The following CSDC2 variants were observed in gnomAD, a reference collection of about 807,000 sequenced individuals.
CSDC2 encodes cold shock domain containing C2, also known as cold shock domain-containing protein C2.
Under a neutral mutation model 15.8 loss-of-function variants are expected in CSDC2, and 8 were observed. The ratio of observed to expected loss-of-function variants is 0.51; its 90% CI spans 0.30 to 0.92. The LOEUF (loss-of-function observed/expected upper bound fraction) is 0.92, where lower values mean the gene tolerates loss of function less well. Ranked by LOEUF, CSDC2 falls within the 40% of genes least tolerant of loss-of-function variation. The pLI is 0.07. For missense variants in CSDC2, 195 were observed against 213.3 expected (o/e 0.91, Z 0.53); for synonymous variants, 96 against 92.3 (o/e 1.04, Z -0.23).
rs1291699005 is a variant in CSDC2, at chr22:41,575,311, C to A, written c.*416C>A. On this transcript the variant is annotated 3_prime_UTR_variant, in exon 4 of 4. Coordinates refer to ENST00000306149, the MANE Select transcript of CSDC2 (RefSeq NM_014460.4). Reference sequence around the variant, plus strand: ...AGTCCCTGGCCCGGAGCCAGGCTCTCTGTGCTACTTACATCTCCCTCCCTT... The same window carrying A: ...AGTCCCTGGCCCGGAGCCAGGCTCTATGTGCTACTTACATCTCCCTCCCTT... 5 of 201,148 alleles carry A rather than the reference C, an allele frequency of 2.5e-5. No homozygotes were observed. Among genetic ancestry groups the A allele is most frequent in the Middle Eastern group, 1.9e-3 (1 of 518 alleles). 12.5% of individuals were successfully genotyped at this position (201,148 alleles called of 1,614,324 possible).
In CSDC2 at chr22:41,574,568, A is replaced by G. The variant is rs533571105; in HGVS notation, c.300-165A>G. The stretch of plus-strand genomic sequence containing the variant: ...GCGTGAGCCACTGTGCCCAGCCATG[A>G]GTCCCGTTTTACAGATTCGAGAGCT... On this transcript the variant is annotated intron_variant, in intron 3 of 3. Coordinates refer to ENST00000306149, the MANE Select transcript of CSDC2 (RefSeq NM_014460.4). Among the ~76,000 whole-genome samples, 5 of 152,300 alleles carry G rather than the reference A, an allele frequency of 3.3e-5. No homozygotes were observed. The East Asian group carries it at 9.7e-4, about 29-fold the overall frequency.
intron 1 of CSDC2, among the ~76,000 whole-genome samples, chr22:41,568,841 A>G (rs559961950): frequency 1.3e-5 from 2 of 152,294 alleles, no homozygotes; most frequent in East Asian, 3.9e-4. Context: ...CCTGGCCCAG[A>G]ATCATCAGTG....
intron 1 of CSDC2, among the ~76,000 whole-genome samples, chr22:41,564,317 T>C (rs1427950452): frequency 5.3e-5 from 8 of 151,426 alleles, no homozygotes; most frequent in Admixed American, 4.6e-4. Flanking sequence ...TGGAGTGCAG[T>C]GGCGCGATCT....
At chr22:41,570,043 G>A (rs530128662) in intron 1 of CSDC2, among the ~76,000 whole-genome samples, 1 of 152,160 alleles carries the variant, frequency 6.6e-6, no homozygotes, top group East Asian at 1.9e-4. Flanking sequence ...GCCTCCCAAA[G>A]TGCTGGGATT....
At chr22:41,570,938 T>A (rs1247493452) in intron 1 of CSDC2, among the ~76,000 whole-genome samples, 3 of 133,056 alleles carry the variant, frequency 2.3e-5, no homozygotes, top group Non-Finnish European at 4.8e-5. Flanking sequence ...CTGCAGTGAG[T>A]CATGACCATG....
chr22:41,569,777 C>CTTTT (rs372029264), intron 1 of CSDC2, among the ~76,000 whole-genome samples: 12 of 107,946 alleles, frequency 1.1e-4, no homozygotes, highest in East Asian at 2.5e-4. Flanking sequence ...TGTGTGGTTG[C>CTTTT]TTTTTTTTTT....
intron 2 of CSDC2, among the ~76,000 whole-genome samples, chr22:41,573,028 A>AC (rs1365329018): frequency 4.6e-5 from 7 of 152,038 alleles, no homozygotes; most frequent in African/African-American, 7.2e-5. Flanking sequence ...GGTGCGTGCC[A>AC]CCACCCCCAG....
chr22:41,564,329 G>A (rs555624039), intron 1 of CSDC2, among the ~76,000 whole-genome samples: 203 of 151,516 alleles, frequency 1.3e-3, no homozygotes, highest in African/African-American at 4.8e-3. Flanking sequence ...GCGCGATCTC[G>A]GCTCACTGCA....
Position 41,572,343 on chromosome 22 carries a change from TCCACCCACCCACCCACCCACCCACCCAC to T in CSDC2, c.176+222_176+249del, listed in dbSNP as rs55678957. Among the ~76,000 whole-genome samples, 140 of 71,690 alleles carry T rather than the reference TCCACCCACCCACCCACCCACCCACCCAC, an allele frequency of 2.0e-3. 1 individual carries two copies. The highest frequency in any genetic ancestry group is 4.3e-3 in the African/African-American group (68 of 15,828). The allele number at this position is 71,690 out of a possible 152,430, so 47.0% of individuals were successfully genotyped here. On this transcript the variant is annotated intron_variant, in intron 2 of 3. Coordinates refer to ENST00000306149, the MANE Select transcript of CSDC2 (RefSeq NM_014460.4). Reference sequence around the variant, plus strand: ...ATCCATCCATCCATCCATCCATCCATCCACCCACCCACCCACCCACCCACCCACCCACCCACCCACCCACCCATCCATC... The same window carrying T: ...ATCCATCCATCCATCCATCCATCCATCCACCCACCCACCCACCCATCCATC...
intron 1 of CSDC2, among the ~76,000 whole-genome samples, chr22:41,571,607 C>A (rs1441705506): frequency 1.3e-5 from 2 of 152,202 alleles, no homozygotes; most frequent in Non-Finnish European, 2.9e-5. Flanking sequence ...CCCTACCCAG[C>A]CACCTCCCAG....
intron 1 of CSDC2, among the ~76,000 whole-genome samples, chr22:41,566,987 C>T (rs1035147618): frequency 1.3e-5 from 2 of 151,382 alleles, no homozygotes; most frequent in Non-Finnish European, 2.9e-5. Context: ...AGGATTTAAA[C>T]TCAGGCAGTC....
At position 41,574,817 on chromosome 22, in the gene CSDC2, G is replaced by C. The variant is rs1392443037; in HGVS notation, c.384G>C (p.Gln128His). Reference protein sequence around the residue: ...CPIPPKNQKFQAVEVVLTQLA... With the variant: ...CPIPPKNQKFHAVEVVLTQLA... ...TCCCTCCCAAGAACCAGAAGTTCCA[G>C]GCCGTGGAGGTGGTGCTCACTCAGC... is the stretch of plus-strand genomic sequence containing the variant. The change falls in exon 4 of 4, where the codon CAG becomes CAC. Residue 128 changes from glutamine to histidine, a missense_variant. Physicochemically the swap from Gln to His is conservative, Grantham distance 24 (BLOSUM62 0). Transcript: ENST00000306149. The C allele has an allele frequency of 6.2e-7, 1 of 1,613,534 alleles. No homozygotes were observed. Among genetic ancestry groups the C allele is most frequent in the Non-Finnish European group, 8.5e-7 (1 of 1,179,918 alleles).
At chr22:41,568,445 T>A (rs1042693966) in intron 1 of CSDC2, among the ~76,000 whole-genome samples, 4 of 152,104 alleles carry the variant, frequency 2.6e-5, no homozygotes, top group African/African-American at 9.7e-5. Flanking sequence ...CCGCCATGCC[T>A]AGCTAATTTT....
rs567649472 is a variant in CSDC2 at position 41,573,416 on chromosome 22, T to TA, written c.177-239_177-238insA. 1.4e-4 allele frequency among the ~76,000 whole-genome samples: 22 copies of TA among 152,052 alleles called. No individual in the cohort carries two copies. The East Asian group carries it at 3.1e-3, about 22-fold the overall frequency. On this transcript the variant is annotated intron_variant, in intron 2 of 3. Transcript: ENST00000306149. The stretch of plus-strand genomic sequence containing the variant: ...TCTCCCTATGTTGTCCAGGCTGGTC[T>TA]CAAACTCCTAGGCCCAAGTGATCCT...
At chr22:41,565,673 G>C (rs2067110530) in intron 1 of CSDC2, among the ~76,000 whole-genome samples, 2 of 152,282 alleles carry the variant, frequency 1.3e-5, no homozygotes, top group South Asian at 4.1e-4. Flanking sequence ...CTGAGAATTG[G>C]AGCAGAGTCC....
At chr22:41,573,487 C>T (rs1377619180) in intron 2 of CSDC2, among the ~76,000 whole-genome samples, 168 bp from the exon 3 acceptor site, 3 of 152,038 alleles carry the variant, frequency 2.0e-5, no homozygotes, top group Admixed American at 1.3e-4. Flanking sequence ...TGTGAGCCAC[C>T]GTGCCTGGCC....
At chr22:41,568,767 C>T (rs2067129722) in intron 1 of CSDC2, among the ~76,000 whole-genome samples, 1 of 152,244 alleles carries the variant, frequency 6.6e-6, no homozygotes, top group South Asian at 2.1e-4. Flanking sequence ...GGCTCTTCTG[C>T]CTCCCTTCTG....
At chr22:41,573,558 C>T in intron 2 of CSDC2, 97 bp from the exon 3 acceptor site, 1 of 1,444,592 alleles carries the variant, frequency 6.9e-7, no homozygotes, top group South Asian at 1.3e-5. Flanking sequence ...TTCTCACAGC[C>T]CTGAGGCACG....
At chr22:41,562,922 C>A (rs528218630) in intron 1 of CSDC2, among the ~76,000 whole-genome samples, 2 of 152,044 alleles carry the variant, frequency 1.3e-5, no homozygotes, top group East Asian at 3.9e-4. Context: ...CCAGTCTATT[C>A]CTCTCTCTAG....
Sources: gnomAD v4.1 joint callset for allele counts (sites outside exome capture counted in the v4.1 genomes callset) on GRCh38, gnomAD v4.1.1 for gene constraint, MANE v1.5 for transcripts, NCBI Gene and HGNC (gene_info 2026-07-23, HGNC 2026-07-21) for gene names.